The following SMARCC1 variants were observed in gnomAD, a reference collection of about 807,000 sequenced individuals.
The protein encoded by SMARCC1 is SWI/SNF complex subunit SMARCC1.
SMARCC1 carries 43 observed loss-of-function variants against 147.4 expected under a neutral mutation model. The observed-to-expected ratio is 0.29, with a 90% confidence interval of 0.23 to 0.38. The LOEUF is 0.38. Among genes scored for constraint, SMARCC1 ranks in the 10% least tolerant of loss-of-function variants. The pLI, the probability that SMARCC1 is intolerant of heterozygous loss-of-function variation, is 1.00. For synonymous variants in SMARCC1, 495 were observed against 484.4 expected (o/e 1.02, Z -0.29); for missense variants, 1,119 against 1,381.1 (o/e 0.81, Z 3.01).
chr3:47,709,000 C>T (rs1276459129), intron 9 of SMARCC1, among the ~76,000 whole-genome samples: 1 of 152,164 alleles, frequency 6.6e-6, no homozygotes, highest in Non-Finnish European at 1.5e-5. Flanking sequence ...GTGGCTCATA[C>T]CTGTAATCCC....
intron 14 of SMARCC1, among the ~76,000 whole-genome samples, 172 bp from the exon 15 acceptor site, chr3:47,680,680 TG>T (rs2033633635): frequency 6.7e-6 from 1 of 149,064 alleles, no homozygotes; most frequent in Non-Finnish European, 1.5e-5. Context: ...CCCAAGTAGC[TG>T]GGACTACAGG....
intron 2 of SMARCC1, among the ~76,000 whole-genome samples, chr3:47,759,741 C>A (rs2034751450): frequency 6.6e-6 from 1 of 151,218 alleles, no homozygotes; most frequent in Non-Finnish European, 1.5e-5. Flanking sequence ...TCAAGACCAG[C>A]CTGGCCAACA....
intron 18 of SMARCC1, among the ~76,000 whole-genome samples, chr3:47,672,794 T>C (rs1349466510): frequency 6.6e-6 from 1 of 152,026 alleles, no homozygotes; most frequent in African/African-American, 2.4e-5. Context: ...TCTTCTTCTT[T>C]TTTAGATGGA....
intron 21 of SMARCC1, among the ~76,000 whole-genome samples, chr3:47,656,259 C>G (rs536715289): frequency 1.3e-5 from 2 of 152,216 alleles, no homozygotes; most frequent in East Asian, 3.9e-4. Flanking sequence ...GAAGCCGGTA[C>G]TACGTATAAA....
chr3:47,732,669 T>G (rs1012970786), intron 5 of SMARCC1, among the ~76,000 whole-genome samples: 5 of 152,292 alleles, frequency 3.3e-5, no homozygotes, highest in South Asian at 2.1e-4. Flanking sequence ...GGTAGAGAGA[T>G]AGAGAAGTGG....
chr3:47,726,886 T>C (rs977784940), intron 6 of SMARCC1, among the ~76,000 whole-genome samples: 1 of 152,106 alleles, frequency 6.6e-6, no homozygotes, highest in African/African-American at 2.4e-5. Flanking sequence ...TGTGTTAAAA[T>C]TTCCTTTTTT....
intron 2 of SMARCC1, among the ~76,000 whole-genome samples, chr3:47,751,269 G>A (rs550435973): frequency 8.5e-5 from 13 of 152,252 alleles, no homozygotes; most frequent in South Asian, 6.2e-4. Flanking sequence ...ATGGCCAGGC[G>A]TGGTGGTTCA....
intron 10 of SMARCC1, among the ~76,000 whole-genome samples, chr3:47,703,022 G>T (rs1352543828): frequency 2.0e-5 from 3 of 152,138 alleles, no homozygotes; most frequent in African/African-American, 7.2e-5. Context: ...TTCCTTCCCA[G>T]GTTCAAGCAA....
chr3:47,615,283 C>G (rs746177454), intron 25 of SMARCC1, among the ~76,000 whole-genome samples: 1 of 152,206 alleles, frequency 6.6e-6, no homozygotes, highest in Admixed American at 6.5e-5. Context: ...GTTTTATCTA[C>G]CACTGTATCC....
At chr3:47,762,776 G>A (rs568481228) in intron 2 of SMARCC1, among the ~76,000 whole-genome samples, 1 of 152,206 alleles carries the variant, frequency 6.6e-6, no homozygotes, top group East Asian at 1.9e-4. Context: ...ATAAGAATTA[G>A]CCAGGTGTGG....
At chr3:47,743,672 G>A (rs936938057) in intron 3 of SMARCC1, among the ~76,000 whole-genome samples, 1 of 151,960 alleles carries the variant, frequency 6.6e-6, no homozygotes, top group Admixed American at 6.6e-5. Flanking sequence ...AATTAGCCAT[G>A]TGTGGTGGCA....
chr3:47,740,491 G>A (rs1437316108), intron 3 of SMARCC1, among the ~76,000 whole-genome samples: 3 of 151,438 alleles, frequency 2.0e-5, no homozygotes, highest in African/African-American at 7.3e-5. Flanking sequence ...CACTATGCCT[G>A]GCCCACACCC....
intron 27 of SMARCC1, 54 bp from the exon 28 acceptor site, chr3:47,588,360 G>A: frequency 6.6e-7 from 1 of 1,524,980 alleles, no homozygotes; most frequent in Admixed American, 1.8e-5. Flanking sequence ...AGAGACTCAG[G>A]AAAGAGCCTA....
intron 25 of SMARCC1, among the ~76,000 whole-genome samples, chr3:47,616,519 C>A (rs1460904411): frequency 6.6e-6 from 1 of 152,024 alleles, no homozygotes; most frequent in Non-Finnish European, 1.5e-5. Context: ...GATCTCTGCA[C>A]GCTGCAACCT....
chr3:47,710,890 G>A, intron 8 of SMARCC1, 82 bp from the exon 9 acceptor site: 1 of 1,164,214 alleles, frequency 8.6e-7, no homozygotes, highest in Non-Finnish European at 1.2e-6. Flanking sequence ...GAAACAAGCT[G>A]ATTTATTTTC....
rs904834528 is a variant in SMARCC1, at chr3:47,662,399, G to C, written c.2093C>G (p.Thr698Ser). ...CACCACAGATGCCAAAAAAGCAACA[G>C]TACTCATAACTGGATTTCCTGACTG... The part of the protein sequence containing the change: ...FSQSGNPVMS[T>S]VAFLASVVDP... Residue 698 changes from threonine to serine, a missense_variant, in exon 20 of 28, where the codon ACT becomes AGT. Thr to Ser is a moderately conservative substitution (Grantham distance 58). Coordinates refer to ENST00000254480, the MANE Select transcript of SMARCC1 (RefSeq NM_003074.4). 1 of 1,614,152 alleles carries C rather than the reference G, an allele frequency of 6.2e-7. No homozygotes were observed. The highest frequency in any genetic ancestry group is 8.5e-7 in the Non-Finnish European group (1 of 1,179,998).
At chr3:47,659,746 C>A in intron 21 of SMARCC1, among the ~76,000 whole-genome samples, 1 of 77,494 alleles carries the variant, frequency 1.3e-5, no homozygotes, top group African/African-American at 5.5e-5. Flanking sequence ...ATAAAGTCTA[C>A]TAAGAAAAAA....
chr3:47,747,716 A>G (rs2034582249), intron 2 of SMARCC1, among the ~76,000 whole-genome samples: 1 of 152,052 alleles, frequency 6.6e-6, no homozygotes, highest in Non-Finnish European at 1.5e-5. Flanking sequence ...GTTGAGAAAG[A>G]AGGCAGGGAG....
chr3:47,769,210 C>CCAAAAAAA lies in SMARCC1; in HGVS notation c.315+3606_315+3607insTTTTTTTG, dbSNP rs1553692339. Among the ~76,000 whole-genome samples, 6 of 33,102 alleles carry CCAAAAAAA rather than the reference C, an allele frequency of 1.8e-4. 3 individuals are homozygous for CCAAAAAAA. Among genetic ancestry groups the CCAAAAAAA allele is most frequent in the Non-Finnish European group, 3.2e-4 (6 of 18,986 alleles). 21.7% of individuals were successfully genotyped at this position (33,102 alleles called of 152,430 possible). A position where few individuals can be genotyped will look rare whatever the true frequency, so the allele number is the denominator to read the frequency against. ...TGGATGACAGAGCGAGACTCCGTCTCAAAAAAAAAAAAAAAAAAAAAAAGG... is the reference window on the plus strand; with the variant it reads ...TGGATGACAGAGCGAGACTCCGTCTCCAAAAAAAAAAAAAAAAAAAAAAAAAAAAAAGG... On this transcript the variant is annotated intron_variant, in intron 2 of 27. Transcript: ENST00000254480.
Sources: allele counts gnomAD v4.1 joint callset (sites outside exome capture counted in the v4.1 genomes callset), GRCh38; gene constraint gnomAD v4.1.1; transcripts MANE v1.5; gene names NCBI Gene and HGNC (gene_info 2026-07-23, HGNC 2026-07-21).